Variants in C7orf33 observed in about 807,000 individuals in gnomAD.
The protein encoded by C7orf33 is chromosome 7 open reading frame 33.
Under a neutral mutation model 13.4 loss-of-function variants are expected in C7orf33, and 15 were observed. That is an observed-to-expected ratio of 1.12 (90% CI 0.75 to 1.72). C7orf33 has a LOEUF of 1.72. C7orf33 is among the 40% of genes most tolerant of loss of function. The pLI is 0.00. For synonymous variants in C7orf33, 73 were observed against 83.2 expected, an observed-to-expected ratio of 0.88 and a Z score of 0.67; for missense variants, 187 against 220.3, an observed-to-expected ratio of 0.85 and a Z score of 0.96.
At chr7:148,614,652 T>C (rs1796581862) in intron 2 of C7orf33, among the ~76,000 whole-genome samples, 1 of 152,200 alleles carries the variant, frequency 6.6e-6, no homozygotes, top group South Asian at 2.1e-4. Flanking sequence ...GAGCTGGCAT[T>C]GTACTTGCAG....
intron 1 of C7orf33, among the ~76,000 whole-genome samples, chr7:148,608,581 C>G (rs1039907078): frequency 6.6e-6 from 1 of 151,822 alleles, no homozygotes; most frequent in Non-Finnish European, 1.5e-5. Context: ...TTTGGGAGGC[C>G]AAGGCAGGCA....
chr7:148,602,240 A>G (rs1347059467), intron 1 of C7orf33, among the ~76,000 whole-genome samples: 1 of 152,186 alleles, frequency 6.6e-6, no homozygotes, highest in Non-Finnish European at 1.5e-5. Flanking sequence ...GATAAAGGGC[A>G]TCTACAGCAA....
intron 1 of C7orf33, among the ~76,000 whole-genome samples, chr7:148,605,636 A>G (rs987549211): frequency 6.6e-6 from 1 of 152,130 alleles, no homozygotes; most frequent in African/African-American, 2.4e-5. Context: ...CATACGGCCC[A>G]TCTCATATTC....
chr7:148,603,328 C>A (rs1796438007), intron 1 of C7orf33, among the ~76,000 whole-genome samples: 2 of 151,976 alleles, frequency 1.3e-5, no homozygotes, highest in Admixed American at 1.3e-4. Context: ...TGCCTGTAAT[C>A]CCAGCACTTT....
At chr7:148,605,955 T>C (rs962156253) in intron 1 of C7orf33, among the ~76,000 whole-genome samples, 4 of 152,238 alleles carry the variant, frequency 2.6e-5, no homozygotes, top group African/African-American at 9.6e-5. Flanking sequence ...CTTCTTGAAA[T>C]GATCCTGGGT....
At chr7:148,608,529 A>G (rs1453454344) in intron 1 of C7orf33, among the ~76,000 whole-genome samples, 1 of 151,694 alleles carries the variant, frequency 6.6e-6, no homozygotes, top group Non-Finnish European at 1.5e-5. Context: ...CTTCCCATCT[A>G]AATTGCCGTG....
At chr7:148,597,017 T>C (rs1796347117) in intron 1 of C7orf33, among the ~76,000 whole-genome samples, 1 of 152,170 alleles carries the variant, frequency 6.6e-6, no homozygotes, top group South Asian at 2.1e-4. Flanking sequence ...TGCTGAGTAA[T>C]ATTCCATTGT....
chr7:148,611,599 A>G (rs1393894711), intron 1 of C7orf33, among the ~76,000 whole-genome samples: 1 of 152,072 alleles, frequency 6.6e-6, no homozygotes, highest in African/African-American at 2.4e-5. Context: ...ACTTGCACTT[A>G]TCCTTCGAGC....
intron 1 of C7orf33, among the ~76,000 whole-genome samples, chr7:148,597,040 C>T (rs533869561): frequency 6.6e-5 from 10 of 152,122 alleles, no homozygotes; most frequent in African/African-American, 2.4e-4. Context: ...GGGTGTACCA[C>T]AGTTTATTTT....
At chr7:148,610,411 T>A (rs1175012771) in intron 1 of C7orf33, among the ~76,000 whole-genome samples, 1 of 152,102 alleles carries the variant, frequency 6.6e-6, no homozygotes, top group Non-Finnish European at 1.5e-5. Context: ...CCAGCCTACC[T>A]CTTTCTCCCG....
chr7:148,595,236 A>G (rs937095444), intron 1 of C7orf33, among the ~76,000 whole-genome samples: 1 of 144,688 alleles, frequency 6.9e-6, no homozygotes, highest in African/African-American at 2.5e-5. Flanking sequence ...ATGGATATAT[A>G]TTATATAGAT....
rs567354509 is a variant in C7orf33, at chr7:148,594,335, C to G, written c.204+3206C>G. Among the ~76,000 whole-genome samples, 4 of 152,190 alleles carry G rather than the reference C, an allele frequency of 2.6e-5. No individual in the cohort carries two copies. In the South Asian group the frequency reaches 8.3e-4, roughly 32 times the overall value. On this transcript the variant is annotated intron_variant, in intron 1 of 2. Coordinates refer to ENST00000307003, the MANE Select transcript of C7orf33 (RefSeq NM_145304.4). The stretch of plus-strand genomic sequence containing the variant: ...GGACTACAGGCATCCGCCTCCATGC[C>G]AGGCTAATTTTTTGTATTTTTTAGT...
intron 1 of C7orf33, among the ~76,000 whole-genome samples, chr7:148,601,547 A>T (rs1796414917): frequency 6.6e-6 from 1 of 152,028 alleles, no homozygotes; most frequent in Non-Finnish European, 1.5e-5. Context: ...GGGTCTCACC[A>T]TGTTGCTCAT....
At chr7:148,611,272 C>T (rs1443246876) in intron 1 of C7orf33, among the ~76,000 whole-genome samples, 1 of 152,124 alleles carries the variant, frequency 6.6e-6, no homozygotes, top group Non-Finnish European at 1.5e-5. Flanking sequence ...CTCCTGTTTT[C>T]ATGACTGAAT....
chr7:148,606,190 G>A (rs1327954830), intron 1 of C7orf33, among the ~76,000 whole-genome samples: 1 of 152,152 alleles, frequency 6.6e-6, no homozygotes, highest in Non-Finnish European at 1.5e-5. Context: ...AAATTCGGAG[G>A]CAAGTTTTTA....
intron 1 of C7orf33, among the ~76,000 whole-genome samples, chr7:148,607,635 C>T (rs1796489014): frequency 6.6e-6 from 1 of 152,118 alleles, no homozygotes; most frequent in Admixed American, 6.5e-5. Context: ...GATCAGAAGA[C>T]CACAGCCTTT....
intron 1 of C7orf33, among the ~76,000 whole-genome samples, chr7:148,604,744 CAGA>C (rs1165168183): frequency 6.6e-6 from 1 of 152,012 alleles, no homozygotes; most frequent in African/African-American, 2.4e-5. Context: ...TTAAAATAAA[CAGA>C]AGAAGGCAGG....
At position 148,591,047 on chromosome 7, in the gene C7orf33, G is replaced by A. The variant is rs143086119; in HGVS notation, c.122G>A (p.Ser41Asn). The A allele has an allele frequency of 1.8e-5, 29 of 1,614,176 alleles. No homozygotes were observed. The East Asian group carries it at 6.5e-4, about 36-fold the overall frequency. Residue 41 changes from serine (S) to asparagine (N), a missense_variant, in exon 1 of 3, where the codon AGT becomes AAT. By Grantham distance (46) the Ser-to-Asn change is conservative. Transcript: ENST00000307003. ...AGGCGCCGGATTGACCTTCGCCTGA[G>A]TGGGAGGGCAGTCGCTGTTTGGGTC... ...GARRRIDLRL[S>N]GRAVAVWVHV...
At chr7:148,602,434 T>G (rs922718930) in intron 1 of C7orf33, among the ~76,000 whole-genome samples, 2 of 151,952 alleles carry the variant, frequency 1.3e-5, no homozygotes, top group Non-Finnish European at 2.9e-5. Flanking sequence ...CCATCTCTAC[T>G]AAAAATACAA....
Sources: gnomAD v4.1 joint callset for allele counts (sites outside exome capture counted in the v4.1 genomes callset) on GRCh38, gnomAD v4.1.1 for gene constraint, MANE v1.5 for transcripts, NCBI Gene and HGNC (gene_info 2026-07-23, HGNC 2026-07-21) for gene names.